The following WWP2 variants were observed in gnomAD, a reference collection of about 807,000 sequenced individuals.
The protein encoded by WWP2 is NEDD4-like E3 ubiquitin-protein ligase WWP2.
WWP2 carries 57 observed loss-of-function variants against 121.0 expected under a neutral mutation model. The observed-to-expected ratio is 0.47, with a 90% CI of 0.38 to 0.59. The LOEUF is 0.59. Among genes scored for constraint, WWP2 ranks in the 20% least tolerant of loss-of-function variants. The probability of loss-of-function intolerance (pLI) is 0.00; values close to 1 mark genes in which losing one functional copy is unlikely to be tolerated. For missense variants in WWP2, 962 were observed against 1,158.9 expected (o/e 0.83, Z 2.47); for synonymous variants, 449 against 441.3 (o/e 1.02, Z -0.22).
intron 11 of WWP2, among the ~76,000 whole-genome samples, chr16:69,928,254 G>A (rs1425910334): frequency 6.6e-6 from 1 of 152,182 alleles, no homozygotes; most frequent in Non-Finnish European, 1.5e-5. Context: ...TAAAAGGAGA[G>A]CCATTAGCAT....
chr16:69,807,898 G>A (rs9928815), intron 4 of WWP2, among the ~76,000 whole-genome samples: 1,583 of 152,162 alleles, frequency 0.01, 28 homozygotes, highest in African/African-American at 0.036. Context: ...GATAGAGGCT[G>A]CAGTAAGCTG....
intron 8 of WWP2, among the ~76,000 whole-genome samples, chr16:69,893,212 G>A (rs1442537008): frequency 6.6e-6 from 1 of 152,190 alleles, no homozygotes; most frequent in Non-Finnish European, 1.5e-5. Context: ...AAGAAGAAGT[G>A]TGTCCTTCCT....
chr16:69,864,123 T>A (rs1392767676), intron 6 of WWP2, among the ~76,000 whole-genome samples: 1 of 152,134 alleles, frequency 6.6e-6, no homozygotes, highest in Admixed American at 6.5e-5. Context: ...CAGCACTTTG[T>A]TTGGGAGGCC....
intron 4 of WWP2, among the ~76,000 whole-genome samples, chr16:69,807,379 G>T (rs1198831712): frequency 6.6e-6 from 1 of 151,846 alleles, no homozygotes; most frequent in Non-Finnish European, 1.5e-5. Flanking sequence ...TGTTTGCTTT[G>T]TACTTGTCTT....
chr16:69,924,718 C>A (rs1440601557), intron 10 of WWP2, among the ~76,000 whole-genome samples: 3 of 149,848 alleles, frequency 2.0e-5, no homozygotes, highest in African/African-American at 2.5e-5. Context: ...CCCCCACCCC[C>A]ACCCCGAGAC....
chr16:69,900,770 C>T (rs1166540139), intron 8 of WWP2, among the ~76,000 whole-genome samples: 8 of 152,164 alleles, frequency 5.3e-5, no homozygotes, highest in African/African-American at 1.9e-4. Flanking sequence ...GTGATCTGCC[C>T]GCCTTGGCCT....
At chr16:69,833,136 G>A (rs2056820980) in intron 4 of WWP2, among the ~76,000 whole-genome samples, 1 of 152,268 alleles carries the variant, frequency 6.6e-6, no homozygotes, top group Non-Finnish European at 1.5e-5. Flanking sequence ...TGGGATTACA[G>A]GCGTGAGCCA....
intron 2 of WWP2, among the ~76,000 whole-genome samples, chr16:69,795,070 C>CA (rs1177752040): frequency 2.0e-5 from 3 of 151,784 alleles, no homozygotes; most frequent in African/African-American, 7.3e-5. Flanking sequence ...CCCGTCTCTA[C>CA]AAAAAAAATT....
intron 7 of WWP2, among the ~76,000 whole-genome samples, chr16:69,880,886 C>T (rs193102570): frequency 2.9e-4 from 44 of 152,272 alleles, no homozygotes; most frequent in Non-Finnish European, 5.0e-4. Context: ...GTGTCCACCA[C>T]GAGTCTGTGA....
intron 9 of WWP2, 133 bp from the exon 10 acceptor site, chr16:69,917,576 C>A: frequency 2.0e-6 from 2 of 993,964 alleles, no homozygotes; most frequent in Non-Finnish European, 2.9e-6. Context: ...CAGATGTCTG[C>A]TATAATCAGC....
At chr16:69,883,191 A>G (rs572388374) in intron 7 of WWP2, among the ~76,000 whole-genome samples, 1 of 152,142 alleles carries the variant, frequency 6.6e-6, no homozygotes, top group East Asian at 1.9e-4. Context: ...TCTGTAAGGC[A>G]TGATGGACTT....
At chr16:69,794,926 A>AC (rs1567669345) in intron 2 of WWP2, among the ~76,000 whole-genome samples, 12 of 152,162 alleles carry the variant, frequency 7.9e-5, no homozygotes, top group African/African-American at 2.7e-4. Flanking sequence ...CTTTAAAAAT[A>AC]TGTCTGGGGA....
In WWP2 at chr16:69,799,144, G is replaced by A. The variant is rs754416650; in HGVS notation, c.219-30G>A. 1.9e-5 allele frequency: 31 copies of A among 1,601,976 alleles called. No homozygotes were observed. The highest frequency in any genetic ancestry group is 2.0e-5 in the Non-Finnish European group (24 of 1,174,774). On this transcript the variant is annotated intron_variant, in intron 3 of 23. Coordinates refer to ENST00000359154, the MANE Select transcript of WWP2 (RefSeq NM_001270454.2). The surrounding 1 kb of genome is among the most constrained non-coding windows in gnomAD (Gnocchi z 4.5). ...CTAAGTTATAGGAATGATCTGCTTG[G>A]ATGTAATGAATCAGGTATTTGTTTT...
rs368788146 is a variant in WWP2 at position 69,929,398 on chromosome 16, C to T, written c.1235-50C>T. On this transcript the variant is annotated intron_variant, in intron 11 of 23. Coordinates refer to ENST00000359154, the MANE Select transcript of WWP2 (RefSeq NM_001270454.2). ...GGTGGGAACCTCAGGGAAAGGACAC[C>T]GGCTCTCCGTGTTTGAATCTGATGT... 25 of 1,566,408 alleles carry T rather than the reference C, an allele frequency of 1.6e-5. No individual in the cohort carries two copies. The East Asian group carries it at 2.0e-4, about 13-fold the overall frequency.
intron 8 of WWP2, among the ~76,000 whole-genome samples, chr16:69,904,857 T>A (rs1364145528): frequency 6.6e-6 from 1 of 152,190 alleles, no homozygotes; most frequent in Non-Finnish European, 1.5e-5. Flanking sequence ...TACATGCTAT[T>A]TAATGGTGTT....
chr16:69,915,610 A>T (rs926514656), intron 9 of WWP2, among the ~76,000 whole-genome samples: 3 of 152,246 alleles, frequency 2.0e-5, no homozygotes, highest in African/African-American at 7.2e-5. Flanking sequence ...ACAGATGTAC[A>T]CATATACTAG....
intron 1 of WWP2, among the ~76,000 whole-genome samples, chr16:69,774,056 TA>T (rs1260566563): frequency 7.2e-5 from 11 of 151,726 alleles, no homozygotes; most frequent in Non-Finnish European, 1.2e-4. Context: ...TGTTTTTTTT[TA>T]ATGCTCCCCA....
intron 2 of WWP2, among the ~76,000 whole-genome samples, chr16:69,797,209 C>T (rs761171650): frequency 3.3e-5 from 5 of 152,242 alleles, no homozygotes; most frequent in Non-Finnish European, 5.9e-5. Flanking sequence ...TGGTCCCAAA[C>T]GAACATCAGA....
chr16:69,811,531 T>C (rs115738292), intron 4 of WWP2, among the ~76,000 whole-genome samples: 7,051 of 152,130 alleles, frequency 0.046, 524 homozygotes, highest in African/African-American at 0.15. Flanking sequence ...GAGGCCCTCT[T>C]GAGCCTAGGA....
Sources: gnomAD v4.1 joint callset for allele counts (sites outside exome capture counted in the v4.1 genomes callset) on GRCh38, gnomAD v4.1.1 for gene constraint, Gnocchi (gnomAD v3.1) non-coding constraint, MANE v1.5 for transcripts, NCBI Gene and HGNC (gene_info 2026-07-23, HGNC 2026-07-21) for gene names.